NPAS2: variants seen among roughly 807,000 people sequenced by gnomAD.
The protein encoded by NPAS2 is neuronal PAS domain-containing protein 2.
Under a neutral mutation model 107.5 loss-of-function variants are expected in NPAS2, and 23 were observed. The ratio of observed to expected loss-of-function variants is 0.21; its 90% CI spans 0.15 to 0.30. The LOEUF (loss-of-function observed/expected upper bound fraction) is 0.30, where lower values mean the gene tolerates loss of function less well. NPAS2 is among the 10% of genes least tolerant of loss of function. The probability of loss-of-function intolerance (pLI) is 1.00; values close to 1 mark genes in which losing one functional copy is unlikely to be tolerated. For synonymous variants in NPAS2, 403 were observed against 417.5 expected, an observed-to-expected ratio of 0.97 and a Z score of 0.42; for missense variants, 756 against 1,043.3, an observed-to-expected ratio of 0.72 and a Z score of 3.79.
intron 7 of NPAS2, among the ~76,000 whole-genome samples, chr2:100,963,117 AC>A (rs747762573): frequency 1.9e-4 from 29 of 152,152 alleles, no homozygotes; most frequent in Non-Finnish European, 4.0e-4. Context: ...TCTGGGGGTG[AC>A]CCCTAAATCC....
chr2:100,953,575 A>C (rs1451321996), intron 7 of NPAS2, among the ~76,000 whole-genome samples: 1 of 152,150 alleles, frequency 6.6e-6, no homozygotes, highest in African/African-American at 2.4e-5. Flanking sequence ...CAGGCTTTGC[A>C]TTGATCGTGT....
intron 7 of NPAS2, among the ~76,000 whole-genome samples, chr2:100,950,727 G>A (rs994883098): frequency 3.3e-5 from 5 of 152,222 alleles, no homozygotes; most frequent in Non-Finnish European, 1.5e-5. Flanking sequence ...TGACTGGGAG[G>A]CCTTTCTGGG....
At chr2:100,821,450 T>C (rs1424938295) in intron 1 of NPAS2, among the ~76,000 whole-genome samples, 2 of 152,158 alleles carry the variant, frequency 1.3e-5, no homozygotes, top group African/African-American at 4.8e-5. Context: ...TTAAAGTGGT[T>C]AGCCTGTTTT....
At chr2:100,850,011 T>TAAAAAAAAAAAAAAAAAAAAAAAAAA (rs58359292) in intron 1 of NPAS2, among the ~76,000 whole-genome samples, 1 of 56,210 alleles carries the variant, frequency 1.8e-5, no homozygotes. Context: ...ACTCTTTTTG[T>TAAAAAAAAAAAAAAAAAAAAAAAAAA]AAAAAAAAAA....
intron 1 of NPAS2, among the ~76,000 whole-genome samples, chr2:100,836,586 C>A (rs1352264352): frequency 6.6e-6 from 1 of 152,184 alleles, no homozygotes; most frequent in Admixed American, 6.5e-5. Context: ...ATAACAGGGT[C>A]AGGAGTTAAC....
intron 1 of NPAS2, among the ~76,000 whole-genome samples, chr2:100,862,455 C>T (rs1008271448): frequency 6.6e-6 from 1 of 152,104 alleles, no homozygotes; most frequent in East Asian, 1.9e-4. Flanking sequence ...TTCATTGCCT[C>T]GTAGCTTAAT....
intron 1 of NPAS2, among the ~76,000 whole-genome samples, chr2:100,892,259 T>C (rs1244667496): frequency 6.6e-6 from 1 of 152,194 alleles, no homozygotes; most frequent in Non-Finnish European, 1.5e-5. Flanking sequence ...GACCAAACGA[T>C]GTTACGGTAC....
At chr2:100,911,789 G>A (rs1447118728) in intron 2 of NPAS2, among the ~76,000 whole-genome samples, 3 of 152,028 alleles carry the variant, frequency 2.0e-5, no homozygotes, top group South Asian at 2.1e-4. Flanking sequence ...GTACCACCAC[G>A]CCAGGCTAAT....
chr2:100,973,409 C>T (rs1428625935), intron 12 of NPAS2, among the ~76,000 whole-genome samples: 1 of 152,206 alleles, frequency 6.6e-6, no homozygotes, highest in African/African-American at 2.4e-5. Flanking sequence ...CCTGGACCGA[C>T]TTCTCTGCTG....
chr2:100,903,709 C>G (rs1047656471), intron 1 of NPAS2, among the ~76,000 whole-genome samples: 3 of 152,200 alleles, frequency 2.0e-5, no homozygotes, highest in African/African-American at 7.2e-5. Context: ...CTCGATCACA[C>G]TTTGCCCTCC....
At chr2:100,827,462 G>A (rs188723865) in intron 1 of NPAS2, among the ~76,000 whole-genome samples, 1 of 152,274 alleles carries the variant, frequency 6.6e-6, no homozygotes, top group African/African-American at 2.4e-5. Context: ...ATACTGAGGT[G>A]TGGGGTATGA....
rs755152575 is a variant in NPAS2, at chr2:100,990,411, G to T, written c.1983G>T (p.Gln661His). Residue 661 changes from glutamine to histidine, a missense_variant, in exon 18 of 21, where the codon CAG (glutamine) becomes CAT (histidine). This residue lies in a region of NPAS2 where 496 missense variants were observed against 594.4 expected (regional missense o/e 0.83). Coordinates refer to ENST00000335681, the MANE Select transcript of NPAS2 (RefSeq NM_002518.4). ...CCTCCCAGGATGCCAGCCAGTGCCAGCCCAGCCCAGACTTCAGCCATGATC... is the reference window on the plus strand; with the variant it reads ...CCTCCCAGGATGCCAGCCAGTGCCATCCCAGCCCAGACTTCAGCCATGATC... ...ASTSQDASQC[Q>H]PSPDFSHDRQ... 2 of 1,614,088 alleles carry T rather than the reference G, an allele frequency of 1.2e-6. No homozygotes were observed. The highest frequency in any genetic ancestry group is 1.7e-6 in the Non-Finnish European group (2 of 1,180,044).
intron 3 of NPAS2, among the ~76,000 whole-genome samples, chr2:100,927,553 T>C (rs1347619057): frequency 6.6e-6 from 1 of 152,264 alleles, no homozygotes; most frequent in African/African-American, 2.4e-5. Context: ...ACCTCTGTGC[T>C]GACTTCTAAC....
chr2:100,878,310 C>T (rs1316076120), intron 1 of NPAS2: 1 of 985,336 alleles, frequency 1.0e-6, no homozygotes, highest in African/African-American at 1.7e-5. Flanking sequence ...CCTGACATTT[C>T]TGCCTAAGCA....
At chr2:100,926,933 T>C (rs1367100186) in intron 3 of NPAS2, among the ~76,000 whole-genome samples, 1 of 148,410 alleles carries the variant, frequency 6.7e-6, no homozygotes, top group Non-Finnish European at 1.5e-5. Flanking sequence ...TTTTTTCTTT[T>C]TTTCTTTCTT....
intron 17 of NPAS2, 37 bp downstream of exon 17, chr2:100,988,313 T>A (rs1166221214): frequency 1.9e-6 from 3 of 1,562,996 alleles, no homozygotes; most frequent in Non-Finnish European, 2.6e-6. Context: ...TCCTTGCCTC[T>A]AGAGCAGACA....
At chr2:100,917,027 G>C (rs186369207) in intron 2 of NPAS2, among the ~76,000 whole-genome samples, 17 of 152,244 alleles carry the variant, frequency 1.1e-4, no homozygotes, top group African/African-American at 3.6e-4. Flanking sequence ...GCAATGCTTA[G>C]AGGGAAACTT....
At chr2:100,848,585 T>A (rs1677940863) in intron 1 of NPAS2, among the ~76,000 whole-genome samples, 1 of 152,176 alleles carries the variant, frequency 6.6e-6, no homozygotes. Context: ...AAGCACCCTG[T>A]TGAATGAGAG....
intron 7 of NPAS2, among the ~76,000 whole-genome samples, chr2:100,954,997 C>A (rs986128504): frequency 1.3e-5 from 2 of 152,010 alleles, no homozygotes; most frequent in African/African-American, 4.8e-5. Context: ...CCTGCCTCGG[C>A]ATCCCAAGTA....
Sources: allele counts gnomAD v4.1 joint callset (sites outside exome capture counted in the v4.1 genomes callset), GRCh38; gene constraint gnomAD v4.1.1; regional missense constraint gnomAD v4.1.1; transcripts MANE v1.5; gene names NCBI Gene and HGNC (gene_info 2026-07-23, HGNC 2026-07-21).